Variants in SLC8A1 observed in about 807,000 individuals in gnomAD.
SLC8A1 encodes the protein sodium/calcium exchanger 1.
In SLC8A1, 18 loss-of-function variants were observed where a neutral mutation model predicts 68.3. The ratio of observed to expected loss-of-function variants is 0.26; its 90% CI spans 0.18 to 0.39. The LOEUF (loss-of-function observed/expected upper bound fraction) is 0.39. Ranked by LOEUF, SLC8A1 falls within the 10% of genes least tolerant of loss-of-function variation. The probability of loss-of-function intolerance (pLI) is 1.00; values close to 1 mark genes in which losing one functional copy is unlikely to be tolerated. For missense variants in SLC8A1, 985 were observed against 1,156.7 expected, an observed-to-expected ratio of 0.85 and a Z score of 2.15; for synonymous variants, 475 against 415.5, an observed-to-expected ratio of 1.14 and a Z score of -1.74.
chr2:40,350,308 TC>T (rs1670656699), intron 2 of SLC8A1, among the ~76,000 whole-genome samples: 1 of 151,900 alleles, frequency 6.6e-6, no homozygotes, highest in African/African-American at 2.4e-5. Context: ...AAATGGAGAC[TC>T]TGTCTCTACA....
chr2:40,252,208 T>C (rs969519328), intron 2 of SLC8A1, among the ~76,000 whole-genome samples: 1 of 152,224 alleles, frequency 6.6e-6, no homozygotes. Flanking sequence ...GGTTCAGATG[T>C]TGGACTTCGC....
intron 4 of SLC8A1, among the ~76,000 whole-genome samples, chr2:40,173,948 G>A (rs13002111): frequency 4.6e-5 from 7 of 152,036 alleles, no homozygotes; most frequent in African/African-American, 1.7e-4. Context: ...TCTTTGTTTT[G>A]TACACAAGAA....
chr2:40,149,280 C>T, intron 6 of SLC8A1, among the ~76,000 whole-genome samples: 1 of 152,134 alleles, frequency 6.6e-6, no homozygotes, highest in East Asian at 1.9e-4. Context: ...AGGCACAGTT[C>T]TAGGCATTGC....
chr2:40,299,064 G>A (rs757565160), intron 2 of SLC8A1, among the ~76,000 whole-genome samples: 2 of 149,754 alleles, frequency 1.3e-5, no homozygotes, highest in Non-Finnish European at 1.5e-5. Context: ...CCAGGCTCCT[G>A]ATTCTCAAGC....
rs552710776 is a variant in SLC8A1, at chr2:40,275,809, C to G, written c.1809-97954G>C. Among the ~76,000 whole-genome samples the G allele has an allele frequency of 2.6e-5, 4 of 152,250 alleles. No homozygotes were observed. The South Asian group carries it at 8.3e-4, about 32-fold the overall frequency. On this transcript the variant is annotated intron_variant, in intron 2 of 7. Coordinates refer to ENST00000406785, the Ensembl canonical transcript of SLC8A1. ...CACAAGGCAGCACTGACTCTTGAGG[C>G]TGAATGCTCTGCTGGAGGTCAGGCT...
At chr2:40,187,512 G>A (rs2050914604) in intron 2 of SLC8A1, among the ~76,000 whole-genome samples, 1 of 152,200 alleles carries the variant, frequency 6.6e-6, no homozygotes, top group African/African-American at 2.4e-5. Context: ...GCTTTAGAGA[G>A]TTCTGGAGTT....
intron 2 of SLC8A1, among the ~76,000 whole-genome samples, chr2:40,407,061 G>T (rs996936467): frequency 1.8e-4 from 28 of 152,004 alleles, no homozygotes; most frequent in African/African-American, 6.5e-4. Flanking sequence ...ATGTCACTCA[G>T]CAGATTTGTG....
chr2:40,216,155 A>C (rs967873667), intron 2 of SLC8A1, among the ~76,000 whole-genome samples: 1 of 150,882 alleles, frequency 6.6e-6, no homozygotes, highest in Non-Finnish European at 1.5e-5. Context: ...TCCTCCCCTC[A>C]ACACCCACCC....
At chr2:40,277,229 G>GTTTT (rs201739617) in intron 2 of SLC8A1, among the ~76,000 whole-genome samples, 22,150 of 149,474 alleles carry the variant, frequency 0.15, 1,959 homozygotes, top group East Asian at 0.41. Context: ...CTCTATGCCT[G>GTTTT]TTTTTTTTTT....
At chr2:40,315,117 T>A (rs1170151137) in intron 2 of SLC8A1, among the ~76,000 whole-genome samples, 3 of 152,030 alleles carry the variant, frequency 2.0e-5, no homozygotes, top group Non-Finnish European at 2.9e-5. Context: ...ATGATGTTAA[T>A]TTTAGTTTTT....
chr2:40,376,027 G>T (rs1231440350), intron 2 of SLC8A1, among the ~76,000 whole-genome samples: 1 of 151,772 alleles, frequency 6.6e-6, no homozygotes, highest in African/African-American at 2.4e-5. Context: ...TAAATAAAAA[G>T]TTGTAATTTG....
chr2:40,314,238 G>A (rs1361949860), intron 2 of SLC8A1, among the ~76,000 whole-genome samples: 1 of 152,002 alleles, frequency 6.6e-6, no homozygotes, highest in African/African-American at 2.4e-5. Context: ...ATTTCGGGAA[G>A]CATTTGTTCT....
At chr2:40,392,324 A>C (rs1462382045) in intron 2 of SLC8A1, among the ~76,000 whole-genome samples, 1 of 152,158 alleles carries the variant, frequency 6.6e-6, no homozygotes, top group African/African-American at 2.4e-5. Flanking sequence ...GTAAATCTCA[A>C]GAGGCCATCT....
intron 6 of SLC8A1, 61 bp downstream of exon 9, chr2:40,160,704 T>C: frequency 6.9e-7 from 1 of 1,447,756 alleles, no homozygotes; most frequent in Non-Finnish European, 9.7e-7. Flanking sequence ...GTAGCCACAG[T>C]AGGAAAACTC....
chr2:40,432,401 T>TTGTGTGTGTGTGTGTGTGTGTG lies in SLC8A1; in HGVS notation c.-24-2119_-24-2098dup, dbSNP rs112824729. On this transcript the variant is annotated intron_variant, in intron 1 of 7. Transcript: ENST00000406785. The stretch of plus-strand genomic sequence containing the variant: ...TATAGAGGACAAGGAGAGTGTGAGA[T>TTGTGTGTGTGTGTGTGTGTGTG]TGTGTGTGTGTGTGTGTGTGTGTAT... Among the ~76,000 whole-genome samples, 562 of 128,816 alleles carry TTGTGTGTGTGTGTGTGTGTGTG rather than the reference T, an allele frequency of 4.4e-3. 13 individuals carry two copies. Among genetic ancestry groups the TTGTGTGTGTGTGTGTGTGTGTG allele is most frequent in the Non-Finnish European group, 5.4e-3 (337 of 62,508 alleles). The allele number at this position is 128,816 out of a possible 152,430, so 84.5% of individuals were successfully genotyped here. A position where few individuals can be genotyped will look rare whatever the true frequency, so the allele number is the denominator to read the frequency against.
intron 1 of SLC8A1, among the ~76,000 whole-genome samples, chr2:40,505,247 A>G (rs993454851): frequency 6.6e-6 from 1 of 151,938 alleles, no homozygotes; most frequent in Non-Finnish European, 1.5e-5. Flanking sequence ...AAAAATAGTT[A>G]GAAAGAATGA....
intron 2 of SLC8A1, among the ~76,000 whole-genome samples, chr2:40,285,192 C>T (rs953738329): frequency 2.0e-4 from 31 of 152,186 alleles, no homozygotes; most frequent in African/African-American, 6.7e-4. Context: ...CTGAGAAGAT[C>T]GCAGTTAGAG....
intron 1 of SLC8A1, among the ~76,000 whole-genome samples, chr2:40,433,754 A>ACCC (rs1378337462): frequency 6.6e-6 from 1 of 152,142 alleles, no homozygotes; most frequent in African/African-American, 2.4e-5. Context: ...GATATAACTA[A>ACCC]CTGCTCCATT....
chr2:40,254,667 C>T (rs1437287056), intron 2 of SLC8A1: 1 of 152,124 alleles, frequency 6.6e-6, no homozygotes, highest in African/African-American at 2.4e-5. Context: ...CAAGGTAATG[C>T]CACTCTAATG....
Sources: gnomAD v4.1 joint callset for allele counts (sites outside exome capture counted in the v4.1 genomes callset) on GRCh38, gnomAD v4.1.1 for gene constraint, MANE v1.5 for transcripts, NCBI Gene and HGNC (gene_info 2026-07-23, HGNC 2026-07-21) for gene names.